Variants in SART1 observed in about 807,000 individuals in gnomAD.
SART1 encodes spliceosome associated factor 1, recruiter of U4/U6.U5 tri-snRNP.
In SART1, 28 loss-of-function variants were observed where a neutral mutation model predicts 105.0. That is an observed-to-expected ratio of 0.27 (90% CI 0.20 to 0.37). The LOEUF (loss-of-function observed/expected upper bound fraction) is 0.37. SART1 is among the 10% of genes least tolerant of loss of function. SART1 has a pLI of 1.00. For synonymous variants in SART1, 472 were observed against 462.9 expected (o/e 1.02, Z -0.25); for missense variants, 894 against 1,106.5 (o/e 0.81, Z 2.72).
At chr11:65,973,353 G>A (rs1855420309) in intron 12 of SART1, among the ~76,000 whole-genome samples, 1 of 151,880 alleles carries the variant, frequency 6.6e-6, no homozygotes, top group Admixed American at 6.6e-5. Context: ...AGGAAAATAG[G>A]CGAAAGATGT....
intron 9 of SART1, 74 bp from the exon 10 acceptor site, chr11:65,967,185 G>A (rs763423258): frequency 8.3e-6 from 13 of 1,573,698 alleles, no homozygotes; most frequent in African/African-American, 1.4e-5. Context: ...CCAAAGAAGT[G>A]TTCACCCTCG....
chr11:65,976,732 C>T lies in SART1; in HGVS notation c.1823C>T (p.Thr608Met), dbSNP rs373384055. The T allele has an allele frequency of 1.1e-5, 17 of 1,612,446 alleles. No individual in the cohort carries two copies. Among genetic ancestry groups the T allele is most frequent in the African/African-American group, 8.0e-5 (6 of 74,850 alleles). ...GGGGAGGAGAACATCGGCTGGAGCACGGTGAACCTGGACGAGGAGAAGCAG... is the reference window on the plus strand; with the variant it reads ...GGGGAGGAGAACATCGGCTGGAGCATGGTGAACCTGGACGAGGAGAAGCAG... ...SDGEENIGWS[T>M]VNLDEEKQQQ... Residue 608 changes from threonine (T) to methionine (M), a missense_variant, in exon 14 of 20, where the codon ACG (threonine) becomes ATG (methionine). By Grantham distance (81) the Thr-to-Met change is moderately conservative. Around this residue, in one of 2 missense-constraint regions of SART1, gnomAD observed 182 missense variants for 328.3 expected, o/e 0.55. Transcript: ENST00000312397. The surrounding 1 kb of genome is among the most constrained non-coding windows in gnomAD (Gnocchi z 5.1).
In SART1 at chr11:65,967,593, G is replaced by T. The variant is rs766319644; in HGVS notation, c.1429+7G>T. ...ATGGACATCAGTGATGAGGGTGAGGGCCCGGCCAGGGGGTGGGAGGGGCAG... is the reference window on the plus strand; with the variant it reads ...ATGGACATCAGTGATGAGGGTGAGGTCCCGGCCAGGGGGTGGGAGGGGCAG... On this transcript the variant is annotated splice_region_variant and intron_variant, in intron 11 of 19. Coordinates refer to ENST00000312397, the MANE Select transcript of SART1 (RefSeq NM_005146.5). 9.9e-6 allele frequency: 16 copies of T among 1,611,006 alleles called. No homozygotes were observed. Among genetic ancestry groups the T allele is most frequent in the Non-Finnish European group, 1.3e-5 (15 of 1,179,424 alleles).
rs764007861 is a variant in SART1, at chr11:65,965,956, G to A, written c.808G>A (p.Glu270Lys). The stretch of plus-strand genomic sequence containing the variant: ...TGCCATTGATTCCTTCCGAGAAGGG[G>A]AGACAATGATTCTTACCCTCAAGGA... ...EHAIDSFREG[E>K]TMILTLKDKG... The change falls in exon 7 of 20, where the codon GAG becomes AAG. Residue 270 changes from glutamate to lysine, a missense_variant. Glu to Lys is a moderately conservative substitution (Grantham distance 56). Transcript: ENST00000312397. The A allele has an allele frequency of 2.5e-6, 4 of 1,614,008 alleles. No individual in the cohort carries two copies. Among genetic ancestry groups the A allele is most frequent in the Admixed American group, 1.7e-5 (1 of 60,010 alleles).
At chr11:65,975,102 T>C (rs1040961552) in intron 12 of SART1, among the ~76,000 whole-genome samples, 3 of 117,710 alleles carry the variant, frequency 2.5e-5, no homozygotes, top group Non-Finnish European at 4.9e-5. Flanking sequence ...CCTGGAAGAC[T>C]TTTTTTTTTT....
Position 65,962,010 on chromosome 11 carries a change from G to C in SART1, c.230G>C (p.Ser77Thr). The C allele has an allele frequency of 6.6e-7, 1 of 1,514,920 alleles. No homozygotes were observed. 93.8% of individuals were successfully genotyped at this position (1,514,920 alleles called of 1,614,324 possible). ...RRGAEAEARS[S>T]THGRERSQAE... ...GGGGCCGAAGCTGAGGCCCGGAGCAGCACGCACGGGCGGGAGCGCAGCCAG... is the reference window on the plus strand; with the variant it reads ...GGGGCCGAAGCTGAGGCCCGGAGCACCACGCACGGGCGGGAGCGCAGCCAG... The change falls in exon 1 of 20, where the codon AGC (serine) becomes ACC (threonine). Residue 77 changes from serine (S) to threonine (T), a missense_variant. Ser to Thr is a moderately conservative substitution (Grantham distance 58). Coordinates refer to ENST00000312397, the MANE Select transcript of SART1 (RefSeq NM_005146.5).
intron 1 of SART1, among the ~76,000 whole-genome samples, chr11:65,963,177 G>C (rs780905507): frequency 2.0e-5 from 3 of 152,142 alleles, no homozygotes; most frequent in African/African-American, 7.2e-5. Context: ...GTAGTAGGCA[G>C]AGAAAGATGT....
At position 65,979,106 on chromosome 11, in the gene SART1, C is replaced by T. The variant is rs1467168638; in HGVS notation, c.*76C>T. 3 of 1,580,662 alleles carry T rather than the reference C, an allele frequency of 1.9e-6. No homozygotes were observed. The highest frequency in any genetic ancestry group is 1.1e-5 in the South Asian group (1 of 89,058). ...CCCTCCTTATTTTTTCCTCCCTGGT[C>T]GTGGTACAGATTCCAGGGTTGGATC... On this transcript the variant is annotated 3_prime_UTR_variant, in exon 20 of 20. Coordinates refer to ENST00000312397, the MANE Select transcript of SART1 (RefSeq NM_005146.5).
chr11:65,975,485 C>A (rs1054656252), intron 12 of SART1, among the ~76,000 whole-genome samples: 1 of 145,196 alleles, frequency 6.9e-6, no homozygotes, highest in African/African-American at 2.6e-5. Context: ...GTGATCTTGG[C>A]AGCCTTGATC....
At chr11:65,965,310 G>A in intron 4 of SART1, 32 bp from the exon 5 acceptor site, 1 of 1,597,432 alleles carries the variant, frequency 6.3e-7, no homozygotes, top group Non-Finnish European at 8.5e-7. Context: ...CAGGAGCTGG[G>A]CTCCTTGAGC....
At chr11:65,977,532 G>A (rs532814556) in intron 15 of SART1, 31 bp from the exon 16 acceptor site, 6 of 1,597,304 alleles carry the variant, frequency 3.8e-6, no homozygotes, top group South Asian at 1.1e-5. Flanking sequence ...CTCTCGAGGG[G>A]TTGGGAGTCT....
chr11:65,977,935 G>C, intron 17 of SART1, 36 bp downstream of exon 17: 1 of 1,592,766 alleles, frequency 6.3e-7, no homozygotes, highest in South Asian at 1.1e-5. Context: ...GGCCCGGCCT[G>C]CCACAGGGAG....
At chr11:65,970,324 A>G (rs1855347242) in intron 12 of SART1, among the ~76,000 whole-genome samples, 1 of 152,182 alleles carries the variant, frequency 6.6e-6, no homozygotes, top group South Asian at 2.1e-4. Context: ...TTTTCCAGTT[A>G]TCCCCCAAAA....
chr11:65,964,306 T>G, intron 2 of SART1, 175 bp downstream of exon 2: 1 of 815,888 alleles, frequency 1.2e-6, no homozygotes, highest in South Asian at 1.5e-5. Flanking sequence ...AAGAGTAAAG[T>G]GGCATTCACT....
In SART1 at chr11:65,967,491, G is replaced by A. The variant is rs1855283468; in HGVS notation, c.1334G>A (p.Arg445His). ...CTCAGACTGCGGGGACGGGGTCGCC[G>A]CCGAGTGTCCGAAGTGGAGGAGGAG... is the stretch of plus-strand genomic sequence containing the variant. ...FGSRLRGRGR[R>H]RVSEVEEEKE... The change falls in exon 11 of 20, where the codon CGC becomes CAC. Residue 445 changes from arginine (R) to histidine (H), a missense_variant. Physicochemically the swap from Arg to His is conservative, Grantham distance 29. This residue lies in a region of SART1 where 712 missense variants were observed against 778.2 expected (regional missense o/e 0.91). Transcript: ENST00000312397. The A allele has an allele frequency of 3.7e-6, 6 of 1,613,048 alleles. No homozygotes were observed. Among genetic ancestry groups the A allele is most frequent in the African/African-American group, 1.3e-5 (1 of 75,010 alleles).
In SART1 at chr11:65,964,531, T is replaced by G. The variant is rs770774415; in HGVS notation, c.388T>G (p.Leu130Val). Reference protein sequence around the residue: ...IEETNKLRAKLGLKPLEVNAI... With the variant: ...IEETNKLRAKVGLKPLEVNAI... ...TGTTGTCAGCAAACTCCGGGCAAAG[T>G]TGGGGCTGAAACCCTTGGAGGTTAA... is the stretch of plus-strand genomic sequence containing the variant. The change falls in exon 3 of 20, where the codon TTG becomes GTG. Residue 130 changes from leucine (L) to valine (V), a missense_variant. Around this residue, in one of 2 missense-constraint regions of SART1, gnomAD observed 712 missense variants for 778.2 expected, o/e 0.91. Transcript: ENST00000312397. 5 of 1,613,294 alleles carry G rather than the reference T, an allele frequency of 3.1e-6. No individual in the cohort carries two copies. Among genetic ancestry groups the G allele is most frequent in the Non-Finnish European group, 4.2e-6 (5 of 1,179,786 alleles).
rs1393219493 is a variant in SART1 at position 65,962,167 on chromosome 11, A to T, written c.313+74A>T. 3 of 1,131,904 alleles carry T rather than the reference A, an allele frequency of 2.7e-6. No individual in the cohort carries two copies. In the Admixed American group the frequency reaches 1.1e-4, roughly 41 times the overall value. The allele number at this position is 1,131,904 out of a possible 1,614,324, so 70.1% of individuals were successfully genotyped here. ...AACGCGTGGGTCTGGGTGTGCGCGC[A>T]GTGTCAGCGAAGCTCTTCAGGCCAG... On this transcript the variant is annotated intron_variant, in intron 1 of 19. Coordinates refer to ENST00000312397, the MANE Select transcript of SART1 (RefSeq NM_005146.5).
In SART1 at chr11:65,978,973, C is replaced by CCCG; in HGVS notation, c.2385-36_2385-34dup. Reference sequence around the variant, plus strand: ...GTGGGGAGGGGTGGCGTGGCCTGTGCCCGCCTCTGCAGCCTCACGCCCCTG... The same window carrying CCCG: ...GTGGGGAGGGGTGGCGTGGCCTGTGCCCGCCGCCTCTGCAGCCTCACGCCCCTG... On this transcript the variant is annotated intron_variant, in intron 19 of 19. Transcript: ENST00000312397. This position sits in a 1 kb window ranked among gnomAD's most constrained non-coding sequence, Gnocchi z 6.8. 1 of 1,613,830 alleles carries CCCG rather than the reference C, an allele frequency of 6.2e-7. No individual in the cohort carries two copies. Among genetic ancestry groups the CCCG allele is most frequent in the Non-Finnish European group, 8.5e-7 (1 of 1,179,918 alleles).
In SART1 at chr11:65,976,005, G is replaced by A. The variant is rs907351615; in HGVS notation, c.1573-390G>A. On this transcript the variant is annotated intron_variant, in intron 12 of 19. Coordinates refer to ENST00000312397, the MANE Select transcript of SART1 (RefSeq NM_005146.5). This position sits in a 1 kb window ranked among gnomAD's most constrained non-coding sequence, Gnocchi z 5.1. ...AGCGTGGGCCACCTCACCACCCTGC[G>A]GGTTCTAGAAGTGCTGTCTAGAGTC... Among the ~76,000 whole-genome samples, 2 of 152,124 alleles carry A rather than the reference G, an allele frequency of 1.3e-5. No individual in the cohort carries two copies. The highest frequency in any genetic ancestry group is 6.5e-5 in the Admixed American group (1 of 15,270).
Sources: allele counts gnomAD v4.1 joint callset (sites outside exome capture counted in the v4.1 genomes callset), GRCh38; gene constraint gnomAD v4.1.1; regional missense constraint gnomAD v4.1.1; non-coding constraint Gnocchi (gnomAD v3.1); transcripts MANE v1.5; gene names NCBI Gene and HGNC (gene_info 2026-07-23, HGNC 2026-07-21).